Variants in KLF8 observed in about 807,000 individuals in gnomAD.
KLF8 encodes Krueppel-like factor 8.
In KLF8, 10 loss-of-function variants were observed where a neutral mutation model predicts 18.2. The ratio of observed to expected loss-of-function variants is 0.55; its 90% confidence interval spans 0.34 to 0.93. The LOEUF (loss-of-function observed/expected upper bound fraction) is 0.93. Among genes scored for constraint, KLF8 ranks in the 40% least tolerant of loss-of-function variants. The probability of loss-of-function intolerance (pLI) is 0.02; values close to 1 mark genes in which losing one functional copy is unlikely to be tolerated. For missense variants in KLF8, 264 were observed against 277.9 expected (o/e 0.95, Z 0.36); for synonymous variants, 109 against 97.3 (o/e 1.12, Z -0.71).
At chrX:56,110,144 A>T in the KLF8 span, among the ~76,000 whole-genome samples, 3 of 111,755 alleles carry the variant, frequency 2.7e-5, no homozygotes, top group Non-Finnish European at 5.6e-5. Context: ...ATAGTATTCC[A>T]TGGTGAATAT....
chrX:56,041,339 G>A, the KLF8 span, among the ~76,000 whole-genome samples: 3 of 110,995 alleles, frequency 2.7e-5, no homozygotes, highest in Non-Finnish European at 5.7e-5. Flanking sequence ...GGCCAGCCTC[G>A]TCTTGAACTC....
At chrX:56,082,803 T>G in the KLF8 span, among the ~76,000 whole-genome samples, 1 of 111,888 alleles carries the variant, frequency 8.9e-6, no homozygotes, top group Non-Finnish European at 1.9e-5. Context: ...TTGCCAGATG[T>G]TGAATTCTTG....
chrX:56,222,394 C>T, the KLF8 span, among the ~76,000 whole-genome samples: 1 of 111,768 alleles, frequency 8.9e-6, no homozygotes, highest in Non-Finnish European at 1.9e-5. Context: ...GATGCATCCA[C>T]AAACCCTGAG....
the KLF8 span, among the ~76,000 whole-genome samples, chrX:55,992,202 G>A: frequency 7.1e-5 from 8 of 111,974 alleles, no homozygotes; most frequent in Non-Finnish European, 3.8e-5. Flanking sequence ...TATATTCCTA[G>A]GATTTTTCCT....
the KLF8 span, among the ~76,000 whole-genome samples, chrX:56,182,859 A>C: frequency 3.6e-5 from 4 of 111,950 alleles, no homozygotes; most frequent in African/African-American, 9.7e-5. Flanking sequence ...ACCTGGCTGT[A>C]TGTGGTGTCA....
At chrX:56,090,603 T>C in the KLF8 span, among the ~76,000 whole-genome samples, 6 of 111,866 alleles carry the variant, frequency 5.4e-5, no homozygotes, top group Non-Finnish European at 1.1e-4. Flanking sequence ...CTGTTGGCCA[T>C]AGTATGTCTT....
chrX:55,961,564 T>C, the KLF8 span: 6 of 526,587 alleles, frequency 1.1e-5, no homozygotes, highest in African/African-American at 1.1e-4. Flanking sequence ...TAGTGAAGTG[T>C]TGAAAAATGT....
chrX:56,048,159 G>C, the KLF8 span, among the ~76,000 whole-genome samples: 1 of 111,482 alleles, frequency 9.0e-6, no homozygotes. Context: ...TGTAGATTCT[G>C]GATATTAGCC....
chrX:56,030,256 G>A, the KLF8 span, among the ~76,000 whole-genome samples: 1 of 111,074 alleles, frequency 9.0e-6, no homozygotes, highest in African/African-American at 3.3e-5. Flanking sequence ...CCTTCATTCA[G>A]ATCCCATTGA....
At chrX:56,195,824 G>A in the KLF8 span, among the ~76,000 whole-genome samples, 1 of 111,570 alleles carries the variant, frequency 9.0e-6, no homozygotes, top group Admixed American at 9.5e-5. Context: ...TTTGAGGGCA[G>A]CCAGAGAGAA....
the KLF8 span, among the ~76,000 whole-genome samples, chrX:55,932,707 G>A: frequency 5.4e-5 from 6 of 111,922 alleles, no homozygotes; most frequent in African/African-American, 1.9e-4. Flanking sequence ...CCACTCTCAT[G>A]TGGCTTGTAG....
At chrX:56,185,213 A>T in the KLF8 span, among the ~76,000 whole-genome samples, 6 of 112,469 alleles carry the variant, frequency 5.3e-5, no homozygotes, top group African/African-American at 1.9e-4. Context: ...AGACTGGAGA[A>T]CTACGTGAAG....
chrX:56,144,115 G>T, the KLF8 span, among the ~76,000 whole-genome samples: 1 of 111,618 alleles, frequency 9.0e-6, no homozygotes, highest in South Asian at 3.7e-4. Flanking sequence ...TGGGGCAACT[G>T]GATATCCCCA....
the KLF8 span, among the ~76,000 whole-genome samples, chrX:56,153,716 G>C: frequency 9.0e-6 from 1 of 111,161 alleles, no homozygotes; most frequent in Non-Finnish European, 1.9e-5. Context: ...TAAGCTGATA[G>C]GCAACTTCAG....
At chrX:55,911,099 TA>T in the KLF8 span, among the ~76,000 whole-genome samples, 26 of 112,331 alleles carry the variant, frequency 2.3e-4, no homozygotes, top group African/African-American at 8.4e-4. Flanking sequence ...ACTGTGGTCT[TA>T]TAATAAAGTA....
chrX:55,973,357 G>C, the KLF8 span, among the ~76,000 whole-genome samples: 16 of 111,973 alleles, frequency 1.4e-4, no homozygotes, highest in South Asian at 5.9e-3. Context: ...TGACAAGTGG[G>C]AAGTAATTAA....
At chrX:56,022,788 C>T in the KLF8 span, among the ~76,000 whole-genome samples, 1 of 109,667 alleles carries the variant, frequency 9.1e-6, no homozygotes, top group African/African-American at 3.3e-5. Flanking sequence ...TGTCATTATT[C>T]AACCTGTATG....
chrX:56,254,481 T>C (rs773602136), intron 2 of KLF8, among the ~76,000 whole-genome samples: 2 of 112,172 alleles, frequency 1.8e-5, no homozygotes, highest in African/African-American at 6.5e-5. Flanking sequence ...TGTTTGCAGA[T>C]GGCTTAAGCA....
the KLF8 span, among the ~76,000 whole-genome samples, chrX:56,185,200 C>T: frequency 8.9e-6 from 1 of 111,854 alleles, no homozygotes; most frequent in Admixed American, 9.5e-5. Flanking sequence ...GAGCTGAAAG[C>T]CAAGACTGGA....
Sources: gnomAD v4.1 joint callset for allele counts (sites outside exome capture counted in the v4.1 genomes callset) on GRCh38, gnomAD v4.1.1 for gene constraint, MANE v1.5 for transcripts, NCBI Gene and HGNC (gene_info 2026-07-23, HGNC 2026-07-21) for gene names.